Variants in EP400 observed in about 807,000 individuals in gnomAD.
EP400 encodes E1A binding protein p400, also known as E1A-binding protein p400.
EP400 carries 105 observed loss-of-function variants against 354.1 expected under a neutral mutation model. The ratio of observed to expected loss-of-function variants is 0.30; its 90% CI spans 0.25 to 0.35. EP400 has a LOEUF of 0.35. Ranked by LOEUF, EP400 falls within the 10% of genes least tolerant of loss-of-function variation. The pLI, the probability that EP400 is intolerant of heterozygous loss-of-function variation, is 1.00. For synonymous variants in EP400, 1,646 were observed against 1,716.9 expected (o/e 0.96, Z 1.02); for missense variants, 3,280 against 4,121.0 (o/e 0.80, Z 5.59).
Position 132,044,300 on chromosome 12 carries a change from G to A in EP400, c.6574G>A (p.Ala2192Thr). 1.2e-6 allele frequency: 2 copies of A among 1,613,768 alleles called. No homozygotes were observed. Among genetic ancestry groups the A allele is most frequent in the Non-Finnish European group, 8.5e-7 (1 of 1,179,898 alleles). ...AELLTYTRED[A>T]YSMEYVYEDV... The stretch of plus-strand genomic sequence containing the variant: ...GCTCCTGACCTACACGCGAGAGGAT[G>A]CCTACAGCATGGTACCCGGCCCGGG... Residue 2192 changes from alanine to threonine, a missense_variant, in exon 35 of 53, where the codon GCC (alanine) becomes ACC (threonine). Ala to Thr is a moderately conservative substitution (Grantham distance 58, BLOSUM62 0). Transcript: ENST00000389561.
intron 47 of EP400, among the ~76,000 whole-genome samples, chr12:132,064,264 C>G (rs1163597584): frequency 6.6e-6 from 1 of 152,234 alleles, no homozygotes; most frequent in Non-Finnish European, 1.5e-5. Flanking sequence ...CATTTCAAAA[C>G]CAGTTCACTT....
rs892603794 is a variant in EP400, at chr12:132,067,623, C to T, written c.8874+137C>T. On this transcript the variant is annotated intron_variant, in intron 50 of 52. Coordinates refer to ENST00000389561, the MANE Select transcript of EP400 (RefSeq NM_015409.5). The surrounding 1 kb of genome is among the most constrained non-coding windows in gnomAD (Gnocchi z 5.3). ...AGGGTGGCTTCAAGGGCTGGAGGTG[C>T]TAGTGTGGTCATCCCTGTTGGTTTT... 6 of 1,217,436 alleles carry T rather than the reference C, an allele frequency of 4.9e-6. No homozygotes were observed. The highest frequency in any genetic ancestry group is 6.8e-6 in the Non-Finnish European group (6 of 883,136). The allele number at this position is 1,217,436 out of a possible 1,614,324, so 75.4% of individuals were successfully genotyped here.
chr12:132,063,264 G>A (rs1238198607), intron 47 of EP400, among the ~76,000 whole-genome samples: 2 of 152,236 alleles, frequency 1.3e-5, no homozygotes, highest in African/African-American at 4.8e-5. Context: ...TATAATCCCA[G>A]CACTTTGGGA....
chr12:132,011,719 TG>T, intron 16 of EP400, 85 bp downstream of exon 16: 1 of 1,417,038 alleles, frequency 7.1e-7, no homozygotes, highest in Non-Finnish European at 9.5e-7. Flanking sequence ...TGTGAAGACA[TG>T]CTTATTCATG....
chr12:131,951,662 C>T (rs1381051821), intron 1 of EP400, among the ~76,000 whole-genome samples: 2 of 152,130 alleles, frequency 1.3e-5, no homozygotes, highest in African/African-American at 2.4e-5. Context: ...AGTGCAGTGG[C>T]GCGATCTCGG....
intron 51 of EP400, among the ~76,000 whole-genome samples, chr12:132,073,798 C>G (rs187861813): frequency 1.3e-5 from 2 of 151,750 alleles, no homozygotes; most frequent in Non-Finnish European, 2.9e-5. Flanking sequence ...GAATTACTTT[C>G]CTTCCACTTG....
rs1186631805 is a variant in EP400, at chr12:132,054,502, A to G, written c.7729-472A>G. On this transcript the variant is annotated intron_variant, in intron 43 of 52. Transcript: ENST00000389561. This position sits in a 1 kb window ranked among gnomAD's most constrained non-coding sequence, Gnocchi z 4.0. The stretch of plus-strand genomic sequence containing the variant: ...TGGCGGGAGGAGTCAGGGTGGCACA[A>G]TGCAGGACTGGCTTGTTAGGAAACA... Among the ~76,000 whole-genome samples the G allele has an allele frequency of 1.3e-5, 2 of 152,200 alleles. No homozygotes were observed. Among genetic ancestry groups the G allele is most frequent in the East Asian group, 1.9e-4 (1 of 5,198 alleles).
At chr12:132,055,431 A>ATGTG (rs137860664) in intron 45 of EP400, among the ~76,000 whole-genome samples, 16,604 of 144,436 alleles carry the variant, frequency 0.11, 2,013 homozygotes, top group African/African-American at 0.3. Flanking sequence ...GAGGTGGGGT[A>ATGTG]TGTGTGTGTG....
Position 132,028,089 on chromosome 12 carries a change from G to A in EP400, c.5182G>A (p.Ala1728Thr), listed in dbSNP as rs770692929. Residue 1728 changes from alanine (A) to threonine (T), a missense_variant, in exon 27 of 53, where the codon GCT becomes ACT. This residue lies in a region of EP400 where 459 missense variants were observed against 496.9 expected (regional missense o/e 0.92). Coordinates refer to ENST00000389561, the MANE Select transcript of EP400 (RefSeq NM_015409.5). ...AGTCAACGAGCGGCGCTGTTCTCAAGCTCCAGTCTATGGCAGAGACTTGCT... is the reference window on the plus strand; with the variant it reads ...AGTCAACGAGCGGCGCTGTTCTCAAACTCCAGTCTATGGCAGAGACTTGCT... ...YLVNERRCSQAPVYGRDLLRI... is the reference protein window; with the variant it reads ...YLVNERRCSQTPVYGRDLLRI... The A allele has an allele frequency of 1.2e-6, 2 of 1,614,210 alleles. No individual in the cohort carries two copies. The highest frequency in any genetic ancestry group is 1.1e-5 in the South Asian group (1 of 91,084).
At position 131,985,395 on chromosome 12, in the gene EP400, C is replaced by T. The variant is rs529151128; in HGVS notation, c.1930-1119C>T. 9.2e-5 allele frequency among the ~76,000 whole-genome samples: 14 copies of T among 152,366 alleles called. No homozygotes were observed. The South Asian group carries it at 1.0e-3, about 11-fold the overall frequency. Reference sequence around the variant, plus strand: ...ACGCCTGTGGCCAGCCGGGAGACGGCGCTGCCGAGGTGAAGAAAGCAGACC... The same window carrying T: ...ACGCCTGTGGCCAGCCGGGAGACGGTGCTGCCGAGGTGAAGAAAGCAGACC... On this transcript the variant is annotated intron_variant, in intron 5 of 52. Coordinates refer to ENST00000389561, the MANE Select transcript of EP400 (RefSeq NM_015409.5).
intron 2 of EP400, among the ~76,000 whole-genome samples, chr12:131,976,402 T>G (rs2136484535): frequency 6.6e-6 from 1 of 152,306 alleles, no homozygotes; most frequent in Non-Finnish European, 1.5e-5. Context: ...CTTTAACACT[T>G]AACTTGATTG....
intron 21 of EP400, 36 bp from the exon 22 acceptor site, chr12:132,020,013 C>T: frequency 6.7e-7 from 1 of 1,484,978 alleles, no homozygotes; most frequent in East Asian, 2.5e-5. Context: ...TGGTCTGATG[C>T]TCTGTATCTT....
intron 16 of EP400, 93 bp downstream of exon 16, chr12:132,011,727 C>T (rs990093172): frequency 2.6e-5 from 36 of 1,393,024 alleles, no homozygotes; most frequent in Non-Finnish European, 3.2e-5. Flanking sequence ...CATGCTTATT[C>T]ATGGAATTAT....
At chr12:131,980,636 C>G (rs1207917270) in intron 3 of EP400, among the ~76,000 whole-genome samples, 1 of 152,176 alleles carries the variant, frequency 6.6e-6, no homozygotes, top group Non-Finnish European at 1.5e-5. Flanking sequence ...GCCTCTACCT[C>G]CCAGGCTTGA....
At chr12:132,048,605 C>T (rs996947584) in intron 39 of EP400, among the ~76,000 whole-genome samples, 2 of 151,620 alleles carry the variant, frequency 1.3e-5, no homozygotes, top group African/African-American at 2.4e-5. Flanking sequence ...TCACTGCAAC[C>T]TCTGCCTCTC....
chr12:131,973,272 G>A (rs761302899), intron 2 of EP400, among the ~76,000 whole-genome samples: 3 of 152,180 alleles, frequency 2.0e-5, no homozygotes, highest in African/African-American at 4.8e-5. Context: ...TCAGGAGAGC[G>A]TAAGTCTCTT....
At chr12:132,028,374 TTAC>T in intron 27 of EP400, 86 bp downstream of exon 27, 1 of 1,518,466 alleles carries the variant, frequency 6.6e-7, no homozygotes, top group Non-Finnish European at 9.0e-7. Flanking sequence ...GATGTACATC[TTAC>T]TCCCATCGGC....
At position 131,982,264 on chromosome 12, in the gene EP400, C is replaced by A. The variant is rs2136492128; in HGVS notation, c.1715C>A (p.Ser572Tyr). 1 of 1,614,204 alleles carries A rather than the reference C, an allele frequency of 6.2e-7. No homozygotes were observed. Among genetic ancestry groups the A allele is most frequent in the East Asian group, 2.2e-5 (1 of 44,878 alleles). The change falls in exon 5 of 53, where the codon TCC becomes TAC. Residue 572 changes from serine to tyrosine, a missense_variant. Physicochemically the swap from Ser to Tyr is moderately radical, Grantham distance 144. This residue lies in a region of EP400 where 800 missense variants were observed against 840.0 expected (regional missense o/e 0.95). Coordinates refer to ENST00000389561, the MANE Select transcript of EP400 (RefSeq NM_015409.5). ...PPAGVPTAALSSALQFAQQPQ... is the reference protein window; with the variant it reads ...PPAGVPTAALYSALQFAQQPQ... ...GCCGGTGTTCCCACTGCAGCCCTCTCCTCTGCGCTGCAGTTTGCACAGCAG... is the reference window on the plus strand; with the variant it reads ...GCCGGTGTTCCCACTGCAGCCCTCTACTCTGCGCTGCAGTTTGCACAGCAG...
Position 132,038,218 on chromosome 12 carries a change from G to A in EP400, c.6207+122G>A, listed in dbSNP as rs145548857. The A allele has an allele frequency of 1.6e-3, 2,078 of 1,301,798 alleles. 20 individuals are homozygous for A. Among genetic ancestry groups the A allele is most frequent in the East Asian group, 0.014 (597 of 41,220 alleles). 80.6% of individuals were successfully genotyped at this position (1,301,798 alleles called of 1,614,324 possible). A position where few individuals can be genotyped will look rare whatever the true frequency, so the allele number is the denominator to read the frequency against. The stretch of plus-strand genomic sequence containing the variant: ...TTCCCTGGCCTGAAGCCCTCTTCCC[G>A]TCCCTGCTTTTGGAACCTCCCCACT... On this transcript the variant is annotated intron_variant, in intron 32 of 52. Coordinates refer to ENST00000389561, the MANE Select transcript of EP400 (RefSeq NM_015409.5). The surrounding 1 kb of genome is among the most constrained non-coding windows in gnomAD (Gnocchi z 4.2).
Sources: gnomAD v4.1 joint callset for allele counts (sites outside exome capture counted in the v4.1 genomes callset) on GRCh38, gnomAD v4.1.1 for gene constraint, gnomAD v4.1.1 regional missense constraint, Gnocchi (gnomAD v3.1) non-coding constraint, MANE v1.5 for transcripts, NCBI Gene and HGNC (gene_info 2026-07-23, HGNC 2026-07-21) for gene names.